RPRD1A: variants seen among roughly 807,000 people sequenced by gnomAD.
The protein encoded by RPRD1A is regulation of nuclear pre-mRNA domain containing 1A, also known as regulation of nuclear pre-mRNA domain-containing protein 1A.
Under a neutral mutation model 37.8 loss-of-function variants are expected in RPRD1A, and 9 were observed. The observed-to-expected ratio is 0.24, with a 90% CI of 0.14 to 0.42. RPRD1A has a LOEUF of 0.42. RPRD1A is among the 10% of genes least tolerant of loss of function. The pLI, the probability that RPRD1A is intolerant of heterozygous loss-of-function variation, is 1.00. For missense variants in RPRD1A, 255 were observed against 371.0 expected (o/e 0.69, Z 2.57); for synonymous variants, 138 against 139.7 (o/e 0.99, Z 0.08).
intron 6 of RPRD1A, among the ~76,000 whole-genome samples, chr18:36,004,960 A>G (rs761548779): frequency 7.2e-5 from 11 of 152,144 alleles, no homozygotes; most frequent in Non-Finnish European, 1.2e-4. Flanking sequence ...AAATCTGGCT[A>G]CCTATGTTAA....
chr18:36,062,045 C>T (rs1322560553), intron 1 of RPRD1A, among the ~76,000 whole-genome samples: 5 of 152,186 alleles, frequency 3.3e-5, no homozygotes, highest in African/African-American at 9.6e-5. Flanking sequence ...TGGCCGGGCG[C>T]GGTGGCTCAC....
intron 6 of RPRD1A, among the ~76,000 whole-genome samples, chr18:36,019,227 T>G (rs1223853283): frequency 6.6e-6 from 1 of 151,158 alleles, no homozygotes; most frequent in Non-Finnish European, 1.5e-5. Context: ...CCTGCCTCAG[T>G]CTCCCGAGCA....
intron 6 of RPRD1A, among the ~76,000 whole-genome samples, chr18:35,998,649 A>G (rs547238474): frequency 3.7e-4 from 56 of 152,142 alleles, no homozygotes; most frequent in African/African-American, 1.3e-3. Context: ...GCTCAATTCC[A>G]CTGATCATAT....
At chr18:35,998,856 A>G (rs985098365) in intron 6 of RPRD1A, among the ~76,000 whole-genome samples, 3 of 152,194 alleles carry the variant, frequency 2.0e-5, no homozygotes, top group Non-Finnish European at 2.9e-5. Flanking sequence ...TTACACTGCT[A>G]TAATACTTCA....
In RPRD1A at chr18:36,027,262, C is replaced by T; in HGVS notation, c.535G>A (p.Gly179Ser). ...ALQDLENAAS[G>S]DAAVHQRIAS... The stretch of plus-strand genomic sequence containing the variant: ...ATCCTCTGATGAACTGCTGCATCAC[C>T]TGAGGCTGCATTTTCCAGATCTTGT... The change falls in exon 5 of 7, where the codon GGT (glycine) becomes AGT (serine). Residue 179 changes from glycine (G) to serine (S), a missense_variant. Physicochemically the swap from Gly to Ser is moderately conservative, Grantham distance 56. Transcript: ENST00000399022. 6.2e-7 allele frequency: 1 copy of T among 1,613,482 alleles called. No homozygotes were observed. The highest frequency in any genetic ancestry group is 8.5e-7 in the Non-Finnish European group (1 of 1,179,432).
chr18:36,065,701 G>C (rs931774735), intron 1 of RPRD1A, among the ~76,000 whole-genome samples: 1 of 152,144 alleles, frequency 6.6e-6, no homozygotes, highest in African/African-American at 2.4e-5. Context: ...CCACCAAGTG[G>C]TATAAGAGTT....
chr18:36,002,992 T>C (rs62101376), intron 6 of RPRD1A, among the ~76,000 whole-genome samples: 33,567 of 152,104 alleles, frequency 0.22, 3,750 homozygotes, highest in East Asian at 0.25. Context: ...ATGGTCCTAG[T>C]TCTGCTCTCA....
chr18:36,020,906 T>C (rs1910952371), intron 6 of RPRD1A, among the ~76,000 whole-genome samples: 2 of 151,888 alleles, frequency 1.3e-5, no homozygotes, highest in Non-Finnish European at 2.9e-5. Context: ...GTAAGATGCA[T>C]ATAATGTATT....
Position 36,015,196 on chromosome 18 carries a change from ACACACAC to A in RPRD1A, c.789+11697_789+11703del, listed in dbSNP as rs1267428458. 2.6e-3 allele frequency among the ~76,000 whole-genome samples: 383 copies of A among 147,376 alleles called. 1 individual carries two copies. Among genetic ancestry groups the A allele is most frequent in the African/African-American group, 9.2e-3 (357 of 38,946 alleles). On this transcript the variant is annotated intron_variant, in intron 6 of 6. Coordinates refer to ENST00000399022, the MANE Select transcript of RPRD1A (RefSeq NM_018170.5). ...TATACACACACACACACACACACACACACACACATTCACATACTTTTTTTTTTTTTTT... is the reference window on the plus strand; with the variant it reads ...TATACACACACACACACACACACACAATTCACATACTTTTTTTTTTTTTTT...
intron 1 of RPRD1A, among the ~76,000 whole-genome samples, chr18:36,038,563 G>A (rs573843631): frequency 1.3e-3 from 203 of 152,360 alleles, no homozygotes; most frequent in African/African-American, 4.5e-3. Context: ...GGGGCAGTGC[G>A]TAGGGGAAAT....
chr18:36,027,844 G>A (rs1302730368), intron 4 of RPRD1A: 2 of 152,304 alleles, frequency 1.3e-5, no homozygotes, highest in Admixed American at 1.3e-4. Flanking sequence ...TCTAGAATAT[G>A]TTCAAATATG....
At position 36,018,876 on chromosome 18, in the gene RPRD1A, T is replaced by C. The variant is rs150188615; in HGVS notation, c.789+8024A>G. Among the ~76,000 whole-genome samples the C allele has an allele frequency of 2.3e-4, 35 of 152,238 alleles. No homozygotes were observed. In the East Asian group the frequency reaches 6.4e-3, roughly 28 times the overall value. On this transcript the variant is annotated intron_variant, in intron 6 of 6. Transcript: ENST00000399022. ...AAAGGATGTAGGACTCTCTGAAGAC[T>C]TGACATAGGAATATAAACCTGAGTG...
At chr18:36,038,445 C>T (rs745595439) in intron 1 of RPRD1A, among the ~76,000 whole-genome samples, 7 of 152,244 alleles carry the variant, frequency 4.6e-5, no homozygotes, top group African/African-American at 7.2e-5. Flanking sequence ...GAAGGCAATA[C>T]TTAAGGTTTG....
At chr18:36,049,468 C>T (rs879829245) in intron 1 of RPRD1A, among the ~76,000 whole-genome samples, 1 of 152,080 alleles carries the variant, frequency 6.6e-6, no homozygotes, top group Non-Finnish European at 1.5e-5. Context: ...GGTGGTCTTG[C>T]TGCATAAGGA....
At chr18:36,009,057 T>C (rs78725398) in intron 6 of RPRD1A, among the ~76,000 whole-genome samples, 1 of 117,378 alleles carries the variant, frequency 8.5e-6, no homozygotes, top group Non-Finnish European at 2.0e-5. Context: ...ATTACTATAA[T>C]TTTTTTTTTG....
At chr18:36,015,844 A>T (rs1223364443) in intron 6 of RPRD1A, among the ~76,000 whole-genome samples, 2 of 152,228 alleles carry the variant, frequency 1.3e-5, no homozygotes, top group Non-Finnish European at 2.9e-5. Context: ...GTAGGTACAG[A>T]GTTTCAGTTC....
intron 1 of RPRD1A, chr18:36,040,852 G>T: frequency 6.6e-7 from 1 of 1,520,490 alleles, no homozygotes; most frequent in Middle Eastern, 1.7e-4. Flanking sequence ...TTTCTCATTT[G>T]TTGCACCTCC....
intron 6 of RPRD1A, among the ~76,000 whole-genome samples, chr18:36,008,949 G>A (rs918079832): frequency 5.9e-5 from 9 of 152,146 alleles, no homozygotes; most frequent in Admixed American, 1.3e-4. Flanking sequence ...CTCAGCACAC[G>A]GCTGTAAGGA....
intron 1 of RPRD1A, among the ~76,000 whole-genome samples, chr18:36,043,978 A>G (rs953618438): frequency 6.6e-6 from 1 of 152,218 alleles, no homozygotes; most frequent in Non-Finnish European, 1.5e-5. Flanking sequence ...TAAATAACAC[A>G]TATTTTGTAT....
Sources: allele counts gnomAD v4.1 joint callset (sites outside exome capture counted in the v4.1 genomes callset), GRCh38; gene constraint gnomAD v4.1.1; transcripts MANE v1.5; gene names NCBI Gene and HGNC (gene_info 2026-07-23, HGNC 2026-07-21).